The following XKR9 variants were observed in gnomAD, a reference collection of about 807,000 sequenced individuals.
XKR9 encodes XK-related protein 9.
XKR9 carries 32 observed loss-of-function variants against 32.0 expected under a neutral mutation model. The observed-to-expected ratio is 1.00, with a 90% confidence interval of 0.76 to 1.34. XKR9 has a LOEUF of 1.34. XKR9 is among the 40% of genes most tolerant of loss of function. XKR9 has a pLI of 0.00. For missense variants in XKR9, 546 were observed against 429.7 expected (o/e 1.27, Z -2.39); for synonymous variants, 168 against 143.4 (o/e 1.17, Z -1.22).
chr8:70,978,110 T>G, the XKR9 span, among the ~76,000 whole-genome samples: 5 of 152,222 alleles, frequency 3.3e-5, no homozygotes, highest in Non-Finnish European at 7.3e-5. Flanking sequence ...CATCCCTTTA[T>G]TTTGAGCCTA....
At chr8:70,744,534 C>G (rs1204613322) in intron 2 of XKR9, among the ~76,000 whole-genome samples, 1 of 152,142 alleles carries the variant, frequency 6.6e-6, no homozygotes, top group Admixed American at 6.5e-5. Flanking sequence ...AAATCCAGTT[C>G]ATTTTTTGTG....
chr8:70,787,190 C>T (rs958889911), intron 2 of XKR9, among the ~76,000 whole-genome samples: 1 of 152,100 alleles, frequency 6.6e-6, no homozygotes, highest in African/African-American at 2.4e-5. Flanking sequence ...TAGCCAAATG[C>T]TTTCACTGAA....
At chr8:70,981,616 T>C in the XKR9 span, among the ~76,000 whole-genome samples, 3 of 152,226 alleles carry the variant, frequency 2.0e-5, no homozygotes, top group African/African-American at 7.2e-5. Flanking sequence ...AGCTTAATAA[T>C]TGACCTTCTG....
At chr8:71,025,956 C>A in the XKR9 span, among the ~76,000 whole-genome samples, 1 of 152,196 alleles carries the variant, frequency 6.6e-6, no homozygotes, top group East Asian at 1.9e-4. Flanking sequence ...CTCAGCCTGG[C>A]TCAACCACAG....
At chr8:70,997,678 G>A in the XKR9 span, among the ~76,000 whole-genome samples, 7 of 152,228 alleles carry the variant, frequency 4.6e-5, no homozygotes, top group South Asian at 4.1e-4. Flanking sequence ...CTGCTTGGGC[G>A]ATGGGTATAC....
the XKR9 span, among the ~76,000 whole-genome samples, chr8:70,811,606 G>C: frequency 6.6e-6 from 1 of 152,080 alleles, no homozygotes; most frequent in Non-Finnish European, 1.5e-5. Flanking sequence ...TGATAAAGGG[G>C]ATATTACCAC....
the XKR9 span, among the ~76,000 whole-genome samples, chr8:71,039,094 G>A: frequency 6.6e-6 from 1 of 152,114 alleles, no homozygotes; most frequent in Non-Finnish European, 1.5e-5. Context: ...ATGAGCCACC[G>A]TGCCTGGCCC....
At chr8:70,671,636 A>G (rs547532623) in intron 1 of XKR9, among the ~76,000 whole-genome samples, 1 of 76,794 alleles carries the variant, frequency 1.3e-5, no homozygotes, top group South Asian at 3.5e-4. Context: ...TTCCAATTTC[A>G]TCCATGTCCC....
At chr8:70,809,110 G>C in the XKR9 span, among the ~76,000 whole-genome samples, 22 of 152,282 alleles carry the variant, frequency 1.4e-4, no homozygotes, top group South Asian at 2.9e-3. Context: ...CCAGGGGAAC[G>C]ATCAGGCAGC....
At chr8:70,850,463 C>CAAAA in the XKR9 span, among the ~76,000 whole-genome samples, 104 of 73,334 alleles carry the variant, frequency 1.4e-3, no homozygotes, top group African/African-American at 3.0e-3. Context: ...GACTCCTTCT[C>CAAAA]AAAAAAAAAA....
the XKR9 span, among the ~76,000 whole-genome samples, chr8:71,005,040 T>G: frequency 9.2e-6 from 1 of 108,202 alleles, no homozygotes; most frequent in South Asian, 2.8e-4. Context: ...AGTTGGAGTC[T>G]TGCTATGTTG....
At chr8:70,800,537 G>A in the XKR9 span, among the ~76,000 whole-genome samples, 1 of 152,158 alleles carries the variant, frequency 6.6e-6, no homozygotes, top group African/African-American at 2.4e-5. Context: ...CCACGCTGGA[G>A]TGCAGTGGGG....
intron 2 of XKR9, among the ~76,000 whole-genome samples, chr8:70,759,563 T>C (rs1204768040): frequency 6.6e-6 from 1 of 152,170 alleles, no homozygotes; most frequent in Non-Finnish European, 1.5e-5. Flanking sequence ...TTTGAAGGTA[T>C]GGTTATGACA....
chr8:71,061,273 A>G, the XKR9 span, among the ~76,000 whole-genome samples: 1 of 152,154 alleles, frequency 6.6e-6, no homozygotes. Flanking sequence ...TTATTCCCAT[A>G]GAGACAGAAG....
the XKR9 span, among the ~76,000 whole-genome samples, chr8:70,851,276 T>A: frequency 6.6e-6 from 1 of 152,076 alleles, no homozygotes; most frequent in African/African-American, 2.4e-5. Context: ...GTCAAGGAAA[T>A]AAGAGAGCAC....
the XKR9 span, among the ~76,000 whole-genome samples, chr8:70,978,650 C>G: frequency 2.0e-5 from 3 of 152,174 alleles, no homozygotes; most frequent in Non-Finnish European, 4.4e-5. Context: ...TGCCCTTTCT[C>G]TCTGGCTGCC....
chr8:70,793,572 T>A (rs1586901082), downstream of XKR9, among the ~76,000 whole-genome samples: 1 of 152,092 alleles, frequency 6.6e-6, no homozygotes. Context: ...AATGAATCCC[T>A]TTTCTTTATA....
the XKR9 span, among the ~76,000 whole-genome samples, chr8:70,869,256 G>A: frequency 3.2e-4 from 49 of 152,148 alleles, no homozygotes; most frequent in African/African-American, 8.7e-4. Flanking sequence ...GTATTATTTC[G>A]TTTTCACACT....
At chr8:70,778,141 G>A (rs1025773940) in intron 2 of XKR9, among the ~76,000 whole-genome samples, 2 of 152,136 alleles carry the variant, frequency 1.3e-5, no homozygotes, top group Admixed American at 6.5e-5. Context: ...TAAGGTGTAA[G>A]GAAGGGATAC....
Sources: gnomAD v4.1 joint callset for allele counts (sites outside exome capture counted in the v4.1 genomes callset) on GRCh38, gnomAD v4.1.1 for gene constraint, MANE v1.5 for transcripts, NCBI Gene and HGNC (gene_info 2026-07-23, HGNC 2026-07-21) for gene names.